The following MYLK4 variants were observed in gnomAD, a reference collection of about 807,000 sequenced individuals.
MYLK4 encodes caMLCK like.
In MYLK4, 46 loss-of-function variants were observed where a neutral mutation model predicts 48.1. The observed-to-expected ratio is 0.96, with a 90% CI of 0.75 to 1.22. MYLK4 has a LOEUF of 1.22. MYLK4 is among the 50% of genes most tolerant of loss of function. The probability of loss-of-function intolerance (pLI) is 0.00; values close to 1 mark genes in which losing one functional copy is unlikely to be tolerated. For synonymous variants in MYLK4, 170 were observed against 180.8 expected, an observed-to-expected ratio of 0.94 and a Z score of 0.48; for missense variants, 451 against 486.1, an observed-to-expected ratio of 0.93 and a Z score of 0.68.
chr6:2,686,447 C>T (rs9405578), intron 4 of MYLK4, among the ~76,000 whole-genome samples: 57,970 of 152,150 alleles, frequency 0.38, 11,678 homozygotes, highest in African/African-American at 0.52. Context: ...TTCTTACCTA[C>T]GTAATCACAT....
At chr6:2,760,247 T>C in the MYLK4 span, among the ~76,000 whole-genome samples, 2 of 152,200 alleles carry the variant, frequency 1.3e-5, no homozygotes, top group African/African-American at 4.8e-5. Flanking sequence ...TTAAAATATA[T>C]GGGAGTATGT....
intron 2 of MYLK4, among the ~76,000 whole-genome samples, chr6:2,730,235 G>C (rs1216646386): frequency 6.6e-6 from 1 of 152,200 alleles, no homozygotes; most frequent in African/African-American, 2.4e-5. Flanking sequence ...GCCAAGATGT[G>C]AGCCAACAGG....
At chr6:2,747,213 T>G (rs766696425) in intron 2 of MYLK4, among the ~76,000 whole-genome samples, 1 of 152,184 alleles carries the variant, frequency 6.6e-6, no homozygotes, top group Non-Finnish European at 1.5e-5. Flanking sequence ...AGGGGTTAAA[T>G]AGCAGTCTCA....
At chr6:2,724,752 C>A (rs1763196835) in intron 2 of MYLK4, among the ~76,000 whole-genome samples, 1 of 152,150 alleles carries the variant, frequency 6.6e-6, no homozygotes, top group Admixed American at 6.5e-5. Context: ...CAGCAACACA[C>A]AAATAGAAAA....
Position 2,683,057 on chromosome 6 carries a change from G to A in MYLK4, c.651C>T (p.His217=). The change falls in exon 7 of 13, where the codon CAC becomes CAT. Residue 217 remains histidine (H), a synonymous_variant. Transcript: ENST00000274643. The part of the protein sequence containing the change: ...FMKQICEGIR[H]MHQMYILHLD... Reference sequence around the variant, plus strand: ...AGTGGAGAATGTACATCTGATGCATGTGCCTTATCCCCTCACATATCTGCT... The same window carrying A: ...AGTGGAGAATGTACATCTGATGCATATGCCTTATCCCCTCACATATCTGCT... 6.2e-7 allele frequency: 1 copy of A among 1,614,156 alleles called. No homozygotes were observed. Among genetic ancestry groups the A allele is most frequent in the Non-Finnish European group, 8.5e-7 (1 of 1,180,038 alleles).
chr6:2,690,670 C>T (rs1761747442), intron 3 of MYLK4, among the ~76,000 whole-genome samples: 1 of 151,950 alleles, frequency 6.6e-6, no homozygotes, highest in Non-Finnish European at 1.5e-5. Flanking sequence ...CACCACTGGC[C>T]AAATCGTGAC....
intron 9 of MYLK4, among the ~76,000 whole-genome samples, chr6:2,678,637 T>C (rs1388757409): frequency 6.6e-6 from 1 of 151,962 alleles, no homozygotes; most frequent in Non-Finnish European, 1.5e-5. Context: ...AAAGTGCTAC[T>C]ACATGCTCAG....
intron 2 of MYLK4, among the ~76,000 whole-genome samples, chr6:2,737,989 G>A (rs11759915): frequency 0.11 from 6,742 of 62,088 alleles, 1,426 homozygotes; most frequent in East Asian, 0.36. Context: ...GGTGGGGGGG[G>A]GGTGGTCAAT....
the MYLK4 span, among the ~76,000 whole-genome samples, chr6:2,758,172 G>C: frequency 3.9e-5 from 6 of 152,026 alleles, no homozygotes; most frequent in Non-Finnish European, 7.4e-5. Context: ...AGATTATTTG[G>C]CTGAAAAATT....
intron 2 of MYLK4, among the ~76,000 whole-genome samples, chr6:2,705,527 G>A (rs1051696994): frequency 6.6e-6 from 1 of 152,126 alleles, no homozygotes; most frequent in Non-Finnish European, 1.5e-5. Context: ...GTTTAAGCAG[G>A]GAGCTTGATT....
chr6:2,743,918 G>A, intron 2 of MYLK4: 1 of 398,670 alleles, frequency 2.5e-6, no homozygotes, highest in Non-Finnish European at 4.4e-6. Context: ...AAGAGCAGGA[G>A]TCTGCCAGTG....
intron 2 of MYLK4, among the ~76,000 whole-genome samples, chr6:2,714,494 T>C (rs773670670): frequency 1.3e-5 from 2 of 152,270 alleles, no homozygotes; most frequent in African/African-American, 2.4e-5. Flanking sequence ...GATTAAAGAT[T>C]GCTGACTAAC....
At chr6:2,738,390 T>A (rs539544743) in intron 2 of MYLK4, among the ~76,000 whole-genome samples, 1 of 152,372 alleles carries the variant, frequency 6.6e-6, no homozygotes, top group East Asian at 1.9e-4. Flanking sequence ...GCATTTAGTT[T>A]ATAATCTTCC....
intron 12 of MYLK4, 98 bp downstream of exon 12, chr6:2,671,178 C>T: frequency 2.3e-6 from 2 of 853,424 alleles, no homozygotes; most frequent in Non-Finnish European, 3.7e-6. Context: ...AAACGCTGCT[C>T]TTCTTCCTGC....
In MYLK4 at chr6:2,663,771, G is replaced by GGTGAA. The variant is rs1561819569; in HGVS notation, c.*4153_*4154insTTCAC. 2 of 152,510 alleles carry GGTGAA rather than the reference G, an allele frequency of 1.3e-5. No homozygotes were observed. The highest frequency in any genetic ancestry group is 2.9e-5 in the Non-Finnish European group (2 of 68,024). The allele number at this position is 152,510 out of a possible 1,614,324, so 9.4% of individuals were successfully genotyped here. A position where few individuals can be genotyped will look rare whatever the true frequency, so the allele number is the denominator to read the frequency against. On this transcript the variant is annotated 3_prime_UTR_variant, in exon 13 of 13. Coordinates refer to ENST00000274643, the MANE Select transcript of MYLK4 (RefSeq NM_001012418.5). ...TATACATGATAGACACAATCACCAC[G>GGTGAA]TTATGAATCCTTTTTTTAATTTCTT...
chr6:2,697,370 G>A (rs1762100590), intron 2 of MYLK4, among the ~76,000 whole-genome samples: 1 of 152,148 alleles, frequency 6.6e-6, no homozygotes, highest in South Asian at 2.1e-4. Context: ...AGTATTCATC[G>A]CTTGCGTGCC....
intron 2 of MYLK4, among the ~76,000 whole-genome samples, chr6:2,704,402 A>C (rs1762413150): frequency 6.6e-6 from 1 of 152,200 alleles, no homozygotes; most frequent in Non-Finnish European, 1.5e-5. Context: ...CCTTTGTAGA[A>C]ATTCAAATGT....
Position 2,692,644 on chromosome 6 carries a change from G to GAAA in MYLK4, c.235+139_235+140insTTT, listed in dbSNP as rs1561844267. On this transcript the variant is annotated intron_variant, in intron 3 of 12. Coordinates refer to ENST00000274643, the MANE Select transcript of MYLK4 (RefSeq NM_001012418.5). ...CAAACACAAGCAAAAAAAAAAAAAG[G>GAAA]GGGGGGGGGGCATTTTTTTATAAAC... 4.2e-3 allele frequency: 743 copies of GAAA among 178,430 alleles called. 18 individuals are homozygous for GAAA. The highest frequency in any genetic ancestry group is 0.031 in the African/African-American group (565 of 18,166). 11.1% of individuals were successfully genotyped at this position (178,430 alleles called of 1,614,324 possible).
In MYLK4 at chr6:2,672,323, A is replaced by G. The variant is rs9378725; in HGVS notation, c.1120-975T>C. Among the ~76,000 whole-genome samples, 147,013 of 152,216 alleles carry G rather than the reference A, an allele frequency of 0.97. 71,080 individuals carry two copies. The highest frequency in any genetic ancestry group is 1 in the East Asian group (5,162 of 5,162). On this transcript the variant is annotated intron_variant, in intron 11 of 12. Transcript: ENST00000274643. This position sits in a 1 kb window ranked among gnomAD's most constrained non-coding sequence, Gnocchi z 4.3. ...GCTGCTTCTGATGGAAACAGGTTAT[A>G]CACAGAGGGTTGGGGACGTAAGAAA...
Sources: gnomAD v4.1 joint callset for allele counts (sites outside exome capture counted in the v4.1 genomes callset) on GRCh38, gnomAD v4.1.1 for gene constraint, Gnocchi (gnomAD v3.1) non-coding constraint, MANE v1.5 for transcripts, NCBI Gene and HGNC (gene_info 2026-07-23, HGNC 2026-07-21) for gene names.